Variants in PGM2L1 observed in about 807,000 individuals in gnomAD.
The protein encoded by PGM2L1 is glucose 1,6-bisphosphate synthase.
A neutral mutation model predicts 73.4 loss-of-function variants in PGM2L1; 35 were observed. The ratio of observed to expected loss-of-function variants is 0.48; its 90% CI spans 0.36 to 0.63. PGM2L1 has a LOEUF of 0.63. PGM2L1 is among the 30% of genes least tolerant of loss of function. PGM2L1 has a pLI of 0.00. For synonymous variants in PGM2L1, 225 were observed against 253.8 expected (o/e 0.89, Z 1.08); for missense variants, 570 against 742.0 (o/e 0.77, Z 2.69).
Position 74,356,651 on chromosome 11 carries a change from C to T in PGM2L1, c.556-5075G>A, listed in dbSNP as rs371302049. On this transcript the variant is annotated intron_variant, in intron 5 of 13. Coordinates refer to ENST00000298198, the MANE Select transcript of PGM2L1 (RefSeq NM_173582.6). ...CATGGAAAAATATCATAAATAAAGTCAAGAAGACTGGGAGGAAATGTCTGC... is the reference window on the plus strand; with the variant it reads ...CATGGAAAAATATCATAAATAAAGTTAAGAAGACTGGGAGGAAATGTCTGC... Among the ~76,000 whole-genome samples, 4 of 152,172 alleles carry T rather than the reference C, an allele frequency of 2.6e-5. No homozygotes were observed. In the East Asian group the frequency reaches 7.7e-4, roughly 29 times the overall value.
chr11:74,373,070 A>C (rs925718424), intron 2 of PGM2L1, among the ~76,000 whole-genome samples: 3 of 152,218 alleles, frequency 2.0e-5, no homozygotes, highest in African/African-American at 7.2e-5. Flanking sequence ...CCAACCTAAT[A>C]GAGTGAAAAG....
intron 1 of PGM2L1, among the ~76,000 whole-genome samples, chr11:74,379,807 C>A (rs887224836): frequency 6.6e-6 from 1 of 151,970 alleles, no homozygotes; most frequent in African/African-American, 2.4e-5. Flanking sequence ...CACCTGTAAT[C>A]CCAGCTATTC....
At chr11:74,379,023 C>A (rs1242924803) in intron 1 of PGM2L1, among the ~76,000 whole-genome samples, 1 of 152,042 alleles carries the variant, frequency 6.6e-6, no homozygotes, top group Admixed American at 6.5e-5. Context: ...ATCAAGTTTG[C>A]CAATGAGAAG....
In PGM2L1 at chr11:74,351,513, C is replaced by G; in HGVS notation, c.619G>C (p.Glu207Gln). Reference sequence around the variant, plus strand: ...CCATTCCAGGGTTCCACACATTCTTCTATACATTTTAGAATTTCTTTATCA... The same window carrying G: ...CCATTCCAGGGTTCCACACATTCTTGTATACATTTTAGAATTTCTTTATCA... ...PHDKEILKCI[E>Q]ECVEPWNGSW... The change falls in exon 6 of 14, where the codon GAA (glutamate) becomes CAA (glutamine). Residue 207 changes from glutamate (E) to glutamine (Q), a missense_variant. Transcript: ENST00000298198. 2.5e-6 allele frequency: 4 copies of G among 1,613,614 alleles called. No individual in the cohort carries two copies. Among genetic ancestry groups the G allele is most frequent in the Non-Finnish European group, 3.4e-6 (4 of 1,179,834 alleles).
intron 5 of PGM2L1, among the ~76,000 whole-genome samples, chr11:74,357,112 G>A (rs568116727): frequency 6.6e-6 from 1 of 152,198 alleles, no homozygotes; most frequent in Non-Finnish European, 1.5e-5. Context: ...GTCTCCCAAA[G>A]TGCTGGGATT....
rs546578147 is a variant in PGM2L1 at position 74,391,314 on chromosome 11, C to T, written c.111+6737G>A. On this transcript the variant is annotated intron_variant, in intron 1 of 13. Coordinates refer to ENST00000298198, the MANE Select transcript of PGM2L1 (RefSeq NM_173582.6). ...ATTACTAACATCTTCCAGCTTTTTA[C>T]TATTTATGGCATAGATGCTGAATTC... Among the ~76,000 whole-genome samples, 11 of 151,948 alleles carry T rather than the reference C, an allele frequency of 7.2e-5. No individual in the cohort carries two copies. In the South Asian group the frequency reaches 2.1e-3, roughly 29 times the overall value.
At chr11:74,351,038 C>T (rs1299565595) in intron 6 of PGM2L1, among the ~76,000 whole-genome samples, 4 of 152,158 alleles carry the variant, frequency 2.6e-5, no homozygotes, top group Non-Finnish European at 5.9e-5. Context: ...ATAGATTTGC[C>T]TATTCTACAT....
intron 5 of PGM2L1, among the ~76,000 whole-genome samples, chr11:74,361,415 G>C (rs907430333): frequency 2.0e-5 from 3 of 152,132 alleles, no homozygotes; most frequent in Non-Finnish European, 4.4e-5. Context: ...CATCATCAAA[G>C]ACCAAAGGTA....
rs147813938 is a variant in PGM2L1 at position 74,370,962 on chromosome 11, G to A, written c.411C>T (p.Val137=). The A allele has an allele frequency of 6.2e-7, 1 of 1,612,586 alleles. No homozygotes were observed. The highest frequency in any genetic ancestry group is 1.3e-5 in the African/African-American group (1 of 74,994). Residue 137 remains valine, a synonymous_variant, in exon 4 of 14, where the codon GTC becomes GTT. Coordinates refer to ENST00000298198, the MANE Select transcript of PGM2L1 (RefSeq NM_173582.6). Reference sequence around the variant, plus strand: ...ACACAGGAACATCTTTGGCCAGCAAGACTGCAGCAGTGAGTTTAGCAAGCC... The same window carrying A: ...ACACAGGAACATCTTTGGCCAGCAAAACTGCAGCAGTGAGTTTAGCAAGCC... The part of the protein sequence containing the change: ...SQRLAKLTAA[V]LLAKDVPVYL...
chr11:74,341,152 G>A (rs1179600898), intron 12 of PGM2L1, among the ~76,000 whole-genome samples: 4 of 151,988 alleles, frequency 2.6e-5, no homozygotes, highest in Non-Finnish European at 5.9e-5. Context: ...TTACCCTGAG[G>A]GTAGTATACA....
chr11:74,371,840 A>C (rs1862763548), intron 2 of PGM2L1, 23 bp from the exon 3 acceptor site: 1 of 1,522,474 alleles, frequency 6.6e-7, no homozygotes, highest in African/African-American at 1.4e-5. Flanking sequence ...AACACAAAAG[A>C]TTAGTTCTAA....
intron 5 of PGM2L1, among the ~76,000 whole-genome samples, chr11:74,364,745 C>A (rs1220359249): frequency 6.6e-6 from 1 of 152,158 alleles, no homozygotes; most frequent in East Asian, 1.9e-4. Context: ...ACATTCCATG[C>A]TCATGGATAG....
Position 74,377,932 on chromosome 11 carries a change from T to C in PGM2L1, c.112-3350A>G, listed in dbSNP as rs543857139. On this transcript the variant is annotated intron_variant, in intron 1 of 13. Transcript: ENST00000298198. ...TTACAATTCACTGATTACTTGGGGG[T>C]AGAAGCCTAGTCAGGAAAAAAAAAA... Among the ~76,000 whole-genome samples the C allele has an allele frequency of 2.6e-5, 4 of 151,008 alleles. No individual in the cohort carries two copies. The South Asian group carries it at 6.3e-4, about 24-fold the overall frequency.
intron 5 of PGM2L1, among the ~76,000 whole-genome samples, chr11:74,351,957 G>A (rs1464681153): frequency 3.9e-5 from 4 of 103,366 alleles, no homozygotes; most frequent in African/African-American, 9.1e-5. Context: ...GCGAGACTCT[G>A]TCTCAAAAAA....
rs1007333802 is a variant in PGM2L1, at chr11:74,370,782, A to G, written c.471+120T>C. ...TCAAAGCAAAATTTGTTTTCCTTCCATTGGTCCCTTATATTACTCAATACA... is the reference window on the plus strand; with the variant it reads ...TCAAAGCAAAATTTGTTTTCCTTCCGTTGGTCCCTTATATTACTCAATACA... On this transcript the variant is annotated intron_variant, in intron 4 of 13. Transcript: ENST00000298198. The G allele has an allele frequency of 2.0e-5, 14 of 699,138 alleles. No homozygotes were observed. In the African/African-American group the frequency reaches 2.4e-4, roughly 12 times the overall value. The allele number at this position is 699,138 out of a possible 1,614,324, so 43.3% of individuals were successfully genotyped here.
At chr11:74,348,032 A>G (rs900957304) in intron 6 of PGM2L1, among the ~76,000 whole-genome samples, 4 of 152,140 alleles carry the variant, frequency 2.6e-5, no homozygotes, top group Non-Finnish European at 2.9e-5. Flanking sequence ...ACACAGAGCC[A>G]TTTGATGGGA....
chr11:74,355,848 G>A, intron 5 of PGM2L1: 1 of 432,156 alleles, frequency 2.3e-6, no homozygotes, highest in South Asian at 1.6e-5. Context: ...GCTGCGACAA[G>A]ACATATTTTA....
chr11:74,346,306 CAAAA>C (rs1017714058), intron 8 of PGM2L1, among the ~76,000 whole-genome samples: 2 of 86,140 alleles, frequency 2.3e-5, no homozygotes, highest in Non-Finnish European at 4.9e-5. Flanking sequence ...AGCAAACAAA[CAAAA>C]AAAAAGGTTA....
intron 5 of PGM2L1, among the ~76,000 whole-genome samples, chr11:74,352,733 A>G (rs1862376915): frequency 6.6e-6 from 1 of 152,210 alleles, no homozygotes; most frequent in Non-Finnish European, 1.5e-5. Context: ...ATTATCTTAA[A>G]TGCACAGCAT....
Sources: allele counts gnomAD v4.1 joint callset (sites outside exome capture counted in the v4.1 genomes callset), GRCh38; gene constraint gnomAD v4.1.1; transcripts MANE v1.5; gene names NCBI Gene and HGNC (gene_info 2026-07-23, HGNC 2026-07-21).